The following STMN2 variants were observed in gnomAD, a reference collection of about 807,000 sequenced individuals.
STMN2 encodes the protein stathmin-2.
A neutral mutation model predicts 24.1 loss-of-function variants in STMN2; 2 were observed. The ratio of observed to expected loss-of-function variants is 0.08; its 90% CI spans 0.03 to 0.26. The LOEUF is 0.26. STMN2 is among the 10% of genes least tolerant of loss of function. STMN2 has a pLI of 1.00. For synonymous variants in STMN2, 83 were observed against 77.5 expected (o/e 1.07, Z -0.37); for missense variants, 114 against 213.6 (o/e 0.53, Z 2.91).
intron 2 of STMN2, among the ~76,000 whole-genome samples, chr8:79,637,595 T>C (rs1342995375): frequency 6.6e-6 from 1 of 152,120 alleles, no homozygotes; most frequent in Non-Finnish European, 1.5e-5. Flanking sequence ...CCTCTTGGAG[T>C]TGTTGTGAGG....
At chr8:79,631,766 T>C (rs1809806996) in intron 1 of STMN2, among the ~76,000 whole-genome samples, 1 of 152,208 alleles carries the variant, frequency 6.6e-6, no homozygotes, top group South Asian at 2.1e-4. Context: ...AAAAAAATTA[T>C]CTGACCTTGA....
chr8:79,621,412 A>G (rs1809513019), intron 1 of STMN2, among the ~76,000 whole-genome samples: 1 of 152,236 alleles, frequency 6.6e-6, no homozygotes, highest in Admixed American at 6.5e-5. Context: ...AAACTGCGTC[A>G]TTTGCTTTTT....
intron 1 of STMN2, among the ~76,000 whole-genome samples, chr8:79,624,762 C>T (rs1809612989): frequency 6.6e-6 from 1 of 152,196 alleles, no homozygotes; most frequent in African/African-American, 2.4e-5. Flanking sequence ...AGATCATACT[C>T]TCCACAAAAC....
chr8:79,620,911 G>C (rs1809501507), intron 1 of STMN2: 2 of 959,912 alleles, frequency 2.1e-6, no homozygotes, highest in African/African-American at 3.5e-5. Flanking sequence ...GCTCCCAGGT[G>C]GTGCTGATGA....
chr8:79,625,863 CA>C (rs1809640668), intron 1 of STMN2, among the ~76,000 whole-genome samples: 1 of 152,062 alleles, frequency 6.6e-6, no homozygotes. Context: ...GAGGCTGAGG[CA>C]GGGAGAATCG....
intron 3 of STMN2, among the ~76,000 whole-genome samples, chr8:79,647,754 G>A (rs1810248146): frequency 1.3e-5 from 2 of 152,178 alleles, no homozygotes; most frequent in South Asian, 4.1e-4. Flanking sequence ...ATTATCGCTG[G>A]TAGTCAGTGA....
At chr8:79,635,124 C>G (rs967555287) in intron 1 of STMN2, among the ~76,000 whole-genome samples, 32 of 152,142 alleles carry the variant, frequency 2.1e-4, no homozygotes, top group Admixed American at 1.3e-3. Context: ...TGACAACTGA[C>G]AGTGATGAGA....
At chr8:79,621,284 T>C (rs1271097622) in intron 1 of STMN2, among the ~76,000 whole-genome samples, 1 of 152,234 alleles carries the variant, frequency 6.6e-6, no homozygotes, top group African/African-American at 2.4e-5. Flanking sequence ...TGAAAGTGAT[T>C]AGTGTCTGTC....
intron 4 of STMN2, among the ~76,000 whole-genome samples, chr8:79,659,436 T>C (rs1050826232): frequency 2.6e-5 from 4 of 152,116 alleles, no homozygotes; most frequent in African/African-American, 4.8e-5. Context: ...GTTCTTGACA[T>C]ACAGGAATGA....
chr8:79,642,324 C>T (rs1810117793), intron 3 of STMN2, among the ~76,000 whole-genome samples: 1 of 152,158 alleles, frequency 6.6e-6, no homozygotes, highest in Non-Finnish European at 1.5e-5. Context: ...ATCCTAGGGA[C>T]TGTGTACACA....
chr8:79,661,615 C>T (rs1285143454), intron 4 of STMN2, among the ~76,000 whole-genome samples: 1 of 152,102 alleles, frequency 6.6e-6, no homozygotes, highest in Non-Finnish European at 1.5e-5. Context: ...ATAGGCCAGA[C>T]ATTTTTGGAT....
intron 1 of STMN2, among the ~76,000 whole-genome samples, chr8:79,631,096 C>G (rs1471082149): frequency 1.3e-5 from 2 of 152,214 alleles, no homozygotes; most frequent in Non-Finnish European, 2.9e-5. Context: ...TCATTAAACA[C>G]AGCAGGAGCT....
At chr8:79,660,512 A>T (rs1207162545) in intron 4 of STMN2, among the ~76,000 whole-genome samples, 1 of 152,208 alleles carries the variant, frequency 6.6e-6, no homozygotes, top group Non-Finnish European at 1.5e-5. Context: ...ATATCTAGAA[A>T]ATGTCAAATG....
chr8:79,612,320 A>G (rs1013978203), intron 1 of STMN2, among the ~76,000 whole-genome samples: 2 of 152,340 alleles, frequency 1.3e-5, no homozygotes, highest in South Asian at 4.1e-4. Flanking sequence ...CAAATTACAT[A>G]GAGTGTTTAG....
chr8:79,650,440 T>G (rs941897168), intron 3 of STMN2, among the ~76,000 whole-genome samples: 6 of 152,350 alleles, frequency 3.9e-5, no homozygotes, highest in African/African-American at 1.4e-4. Context: ...GTCACATGTT[T>G]TTTATTCTAC....
rs542058278 is a variant in STMN2 at position 79,654,356 on chromosome 8, AG to A, written c.289-509del. On this transcript the variant is annotated intron_variant, in intron 3 of 4. Coordinates refer to ENST00000220876, the MANE Select transcript of STMN2 (RefSeq NM_007029.4). Reference sequence around the variant, plus strand: ...AGACTTTGGTGTATGGGGGATAGGGAGGGGGGAAGGGGGTGTGAAATAAAAG... The same window carrying A: ...AGACTTTGGTGTATGGGGGATAGGGAGGGGGAAGGGGGTGTGAAATAAAAG... Among the ~76,000 whole-genome samples the A allele has an allele frequency of 4.2e-5, 6 of 142,032 alleles. No homozygotes were observed. The South Asian group carries it at 1.2e-3, about 28-fold the overall frequency. The allele number at this position is 142,032 out of a possible 152,430, so 93.2% of individuals were successfully genotyped here. A position where few individuals can be genotyped will look rare whatever the true frequency, so the allele number is the denominator to read the frequency against.
intron 1 of STMN2, chr8:79,611,684 T>C: frequency 1.3e-6 from 1 of 772,406 alleles, no homozygotes; most frequent in Non-Finnish European, 1.6e-6. Flanking sequence ...CCCATCCCGC[T>C]GTTTGAAAGA....
chr8:79,652,230 CCTAGGG>C (rs1810348413), intron 3 of STMN2, among the ~76,000 whole-genome samples: 1 of 152,198 alleles, frequency 6.6e-6, no homozygotes, highest in Non-Finnish European at 1.5e-5. Flanking sequence ...ACAAGAGAAA[CCTAGGG>C]CTCTAACCCA....
In STMN2 at chr8:79,612,384, G is replaced by T. The variant is rs77707701; in HGVS notation, c.19+1170G>T. ...AGACCTTTGATCGTTTGCGGGAAAA[G>T]CTTCTAGAACCTAGACATGTGTATG... On this transcript the variant is annotated intron_variant, in intron 1 of 4. Coordinates refer to ENST00000220876, the MANE Select transcript of STMN2 (RefSeq NM_007029.4). Among the ~76,000 whole-genome samples, 325 of 152,328 alleles carry T rather than the reference G, an allele frequency of 2.1e-3. 7 individuals are homozygous for T. In the East Asian group the frequency reaches 0.059, roughly 28 times the overall value.
Sources: gnomAD v4.1 joint callset for allele counts (sites outside exome capture counted in the v4.1 genomes callset) on GRCh38, gnomAD v4.1.1 for gene constraint, MANE v1.5 for transcripts, NCBI Gene and HGNC (gene_info 2026-07-23, HGNC 2026-07-21) for gene names.